Variants in ADRA1A observed in about 807,000 individuals in gnomAD.
ADRA1A encodes alpha-1A adrenergic receptor.
In ADRA1A, 31 loss-of-function variants were observed where a neutral mutation model predicts 29.6. The ratio of observed to expected loss-of-function variants is 1.05; its 90% confidence interval spans 0.79 to 1.41. The LOEUF is 1.41. ADRA1A is among the 40% of genes most tolerant of loss of function. The pLI, the probability that ADRA1A is intolerant of heterozygous loss-of-function variation, is 0.00. For synonymous variants in ADRA1A, 311 were observed against 254.3 expected, an observed-to-expected ratio of 1.22 and a Z score of -2.12; for missense variants, 619 against 601.1, an observed-to-expected ratio of 1.03 and a Z score of -0.31.
Position 26,831,466 on chromosome 8 carries a change from C to A in ADRA1A, c.883+32621G>T, listed in dbSNP as rs1261003714. On this transcript the variant is annotated intron_variant, in intron 2 of 2. Coordinates refer to ENST00000380573, the MANE Select transcript of ADRA1A (RefSeq NM_000680.4). The surrounding 1 kb of genome is among the most constrained non-coding windows in gnomAD (Gnocchi z 5.2). ...TGATACTGAGCTCTGCTGGGATTGC[C>A]CAGTACCAACCCCCTGCCCACACCC... Among the ~76,000 whole-genome samples the A allele has an allele frequency of 6.6e-6, 1 of 152,038 alleles. No individual in the cohort carries two copies.
At position 26,866,611 on chromosome 8, in the gene ADRA1A, C is replaced by A. The variant is rs925008695; in HGVS notation, c.-687+325G>T. On this transcript the variant is annotated intron_variant, in intron 1 of 2. Transcript: ENST00000380573. This position sits in a 1 kb window ranked among gnomAD's most constrained non-coding sequence, Gnocchi z 5.7. ...GCCCACCTTGCCTTCTGGGGTTGGG[C>A]CCTGAGGTGGGACCTCGGGCAAAGA... 6.6e-6 allele frequency among the ~76,000 whole-genome samples: 1 copy of A among 152,114 alleles called. No individual in the cohort carries two copies. The highest frequency in any genetic ancestry group is 1.5e-5 in the Non-Finnish European group (1 of 68,016).
At chr8:26,781,502 G>A (rs996528664) in intron 2 of ADRA1A, among the ~76,000 whole-genome samples, 8 of 152,350 alleles carry the variant, frequency 5.3e-5, no homozygotes, top group African/African-American at 1.9e-4. Flanking sequence ...GCTGGAGATA[G>A]ATTCTCAAAT....
At chr8:26,771,135 TC>T (rs1269810915) in intron 2 of ADRA1A, among the ~76,000 whole-genome samples, 1 of 152,198 alleles carries the variant, frequency 6.6e-6, no homozygotes, top group Non-Finnish European at 1.5e-5. Context: ...ATTCCTCCCC[TC>T]CCAAATGTTA....
intron 2 of ADRA1A, among the ~76,000 whole-genome samples, chr8:26,803,550 A>G (rs1808753134): frequency 6.6e-6 from 1 of 152,218 alleles, no homozygotes; most frequent in African/African-American, 2.4e-5. Context: ...AAGACTTGGA[A>G]AGTGATAAAT....
intron 2 of ADRA1A, among the ~76,000 whole-genome samples, chr8:26,849,740 G>A (rs1442960613): frequency 6.6e-6 from 1 of 152,148 alleles, no homozygotes; most frequent in Non-Finnish European, 1.5e-5. Context: ...ATTCAATAGA[G>A]GAGATTGATC....
rs747894155 is a variant in ADRA1A at position 26,770,171 on chromosome 8, C to A, written c.1379G>T (p.Ser460Ile). ...PTIKVHTISLSENGEEV is the reference protein window; with the variant it reads ...PTIKVHTISLIENGEEV ...GTCCTAGACTTCCTCCCCGTTCTCA[C>A]TGAGGGAGATGGTGTGGACCTTAAT... is the stretch of plus-strand genomic sequence containing the variant. The change falls in exon 3 of 3, where the codon AGT (serine) becomes ATT (isoleucine). Residue 460 changes from serine to isoleucine, a missense_variant. Transcript: ENST00000380573. 1 of 1,564,540 alleles carries A rather than the reference C, an allele frequency of 6.4e-7. No individual in the cohort carries two copies. The highest frequency in any genetic ancestry group is 8.7e-7 in the Non-Finnish European group (1 of 1,154,022).
At chr8:26,779,214 T>G in intron 2 of ADRA1A, 1 of 670,476 alleles carries the variant, frequency 1.5e-6, no homozygotes, top group East Asian at 2.7e-5. Flanking sequence ...GGAACCCAAT[T>G]AACAGTTCCT....
Position 26,821,931 on chromosome 8 carries a change from A to T in ADRA1A, c.883+42156T>A, listed in dbSNP as rs950220364. ...TCTAGAGAATGTTGCACATATCAAT[A>T]GCTTGCTATTTTTTATTGCTAAGTA... On this transcript the variant is annotated intron_variant, in intron 2 of 2. Coordinates refer to ENST00000380573, the MANE Select transcript of ADRA1A (RefSeq NM_000680.4). This position sits in a 1 kb window ranked among gnomAD's most constrained non-coding sequence, Gnocchi z 5.6. Among the ~76,000 whole-genome samples the T allele has an allele frequency of 2.0e-5, 3 of 152,200 alleles. No individual in the cohort carries two copies. Among genetic ancestry groups the T allele is most frequent in the Non-Finnish European group, 4.4e-5 (3 of 68,030 alleles).
chr8:26,822,585 C>T (rs1810250442), intron 2 of ADRA1A, among the ~76,000 whole-genome samples: 1 of 152,194 alleles, frequency 6.6e-6, no homozygotes, highest in Non-Finnish European at 1.5e-5. Flanking sequence ...CAAAAGAAAA[C>T]TGCATGAAAG....
At position 26,806,735 on chromosome 8, in the gene ADRA1A, T is replaced by A. The variant is rs1809016982; in HGVS notation, c.884-36069A>T. Among the ~76,000 whole-genome samples the A allele has an allele frequency of 1.3e-5, 2 of 152,272 alleles. No individual in the cohort carries two copies. The highest frequency in any genetic ancestry group is 3.9e-4 in the East Asian group (2 of 5,178). On this transcript the variant is annotated intron_variant, in intron 2 of 2. Coordinates refer to ENST00000380573, the MANE Select transcript of ADRA1A (RefSeq NM_000680.4). This position sits in a 1 kb window ranked among gnomAD's most constrained non-coding sequence, Gnocchi z 4.6. ...TCGGTCATTACATAAAGCTGCCACA[T>A]GCCTGGAAGGAGGAAATAGGAAGAG... is the stretch of plus-strand genomic sequence containing the variant.
rs57573807 is a variant in ADRA1A, at chr8:26,853,451, G to T, written c.883+10636C>A. On this transcript the variant is annotated intron_variant, in intron 2 of 2. Transcript: ENST00000380573. Reference sequence around the variant, plus strand: ...ATTTTGAAAAAGAATATTCATCCAGGCCTTAACCTAGAGAATATTAAAATG... The same window carrying T: ...ATTTTGAAAAAGAATATTCATCCAGTCCTTAACCTAGAGAATATTAAAATG... Among the ~76,000 whole-genome samples the T allele has an allele frequency of 0.013, 1,991 of 152,218 alleles. 152 individuals carry two copies. The East Asian group carries it at 0.21, about 16-fold the overall frequency.
chr8:26,814,550 C>G (rs1200372990), intron 2 of ADRA1A, among the ~76,000 whole-genome samples: 1 of 152,242 alleles, frequency 6.6e-6, no homozygotes, highest in Non-Finnish European at 1.5e-5. Flanking sequence ...CTATGTGCCA[C>G]TGTGCCTGGC....
intron 2 of ADRA1A, chr8:26,858,951 TG>T: frequency 1.1e-6 from 1 of 940,378 alleles, no homozygotes; most frequent in Non-Finnish European, 1.4e-6. Context: ...CCAGCCTTAG[TG>T]GAAAGAAGCT....
downstream of ADRA1A, among the ~76,000 whole-genome samples, chr8:26,761,056 G>C (rs1805481942): frequency 6.6e-6 from 1 of 152,336 alleles, no homozygotes; most frequent in East Asian, 1.9e-4. Context: ...GGCATGCTAA[G>C]TGACAGACCA....
At chr8:26,863,063 T>C (rs1208018386) in intron 2 of ADRA1A, among the ~76,000 whole-genome samples, 2 of 152,256 alleles carry the variant, frequency 1.3e-5, no homozygotes, top group African/African-American at 4.8e-5. Flanking sequence ...CAAATTAAAG[T>C]ACTTTAAGTA....
At chr8:26,752,726 C>G (rs760969667), downstream of ADRA1A, among the ~76,000 whole-genome samples, 1 of 152,198 alleles carries the variant, frequency 6.6e-6, no homozygotes, top group African/African-American at 2.4e-5. Flanking sequence ...AATGATCCCT[C>G]TTCACCAGGA....
chr8:26,767,839 C>T (rs987294370), downstream of ADRA1A, among the ~76,000 whole-genome samples: 3 of 152,144 alleles, frequency 2.0e-5, no homozygotes, highest in African/African-American at 7.2e-5. Flanking sequence ...AGATCCTGGA[C>T]CAAGCTCTTG....
At chr8:26,773,403 A>G (rs771389845) in intron 2 of ADRA1A, among the ~76,000 whole-genome samples, 1 of 152,210 alleles carries the variant, frequency 6.6e-6, no homozygotes, top group Non-Finnish European at 1.5e-5. Context: ...GTCTTACATT[A>G]TGAAACCTAT....
chr8:26,865,096 G>T lies in ADRA1A; in HGVS notation c.-127C>A. ...GAGGGAGCCCTGCCAGGTGGGTTTGGCTGGGGGTGAGAGCGCGCGCGCGGG... is the reference window on the plus strand; with the variant it reads ...GAGGGAGCCCTGCCAGGTGGGTTTGTCTGGGGGTGAGAGCGCGCGCGCGGG... On this transcript the variant is annotated 5_prime_UTR_variant, in exon 2 of 3. Transcript: ENST00000380573. This position sits in a 1 kb window ranked among gnomAD's most constrained non-coding sequence, Gnocchi z 7.6. The T allele has an allele frequency of 6.7e-7, 1 of 1,497,020 alleles. No individual in the cohort carries two copies. The highest frequency in any genetic ancestry group is 1.3e-5 in the South Asian group (1 of 74,096). The allele number at this position is 1,497,020 out of a possible 1,614,324, so 92.7% of individuals were successfully genotyped here. A position where few individuals can be genotyped will look rare whatever the true frequency, so the allele number is the denominator to read the frequency against.
Sources: allele counts gnomAD v4.1 joint callset (sites outside exome capture counted in the v4.1 genomes callset), GRCh38; gene constraint gnomAD v4.1.1; non-coding constraint Gnocchi (gnomAD v3.1); transcripts MANE v1.5; gene names NCBI Gene and HGNC (gene_info 2026-07-23, HGNC 2026-07-21).